ZNF761: variants seen among roughly 807,000 people sequenced by gnomAD.
The protein encoded by ZNF761 is zinc finger protein 761.
In ZNF761, 43 loss-of-function variants were observed where a neutral mutation model predicts 59.9. That is an observed-to-expected ratio of 0.72 (90% CI 0.56 to 0.92). ZNF761 has a LOEUF of 0.92. Ranked by LOEUF, ZNF761 falls within the 40% of genes least tolerant of loss-of-function variation. The probability of loss-of-function intolerance (pLI) is 0.00; values close to 1 mark genes in which losing one functional copy is unlikely to be tolerated. For missense variants in ZNF761, 850 were observed against 906.1 expected (o/e 0.94, Z 0.79); for synonymous variants, 294 against 304.8 (o/e 0.96, Z 0.37).
intron 4 of ZNF761, among the ~76,000 whole-genome samples, chr19:53,451,808 C>T (rs1215590529): frequency 1.3e-5 from 2 of 149,232 alleles, no homozygotes; most frequent in African/African-American, 5.0e-5. Context: ...AGGATGGTCT[C>T]GATCTCCTGA....
intron 1 of ZNF761, chr19:53,444,136 C>G (rs11084251): frequency 0.047 from 7,188 of 152,334 alleles, 229 homozygotes; most frequent in African/African-American, 0.072. Flanking sequence ...GCTGAGACAG[C>G]CTGAGATATG....
intron 1 of ZNF761, among the ~76,000 whole-genome samples, chr19:53,445,661 TG>T (rs574071111): frequency 5.3e-4 from 80 of 151,976 alleles, no homozygotes; most frequent in Non-Finnish European, 8.1e-4. Context: ...GAATTTTAAA[TG>T]GGATGCAGTA....
chr19:53,436,927 G>A (rs999950372), intron 1 of ZNF761, among the ~76,000 whole-genome samples: 5 of 152,106 alleles, frequency 3.3e-5, no homozygotes, highest in Non-Finnish European at 5.9e-5. Flanking sequence ...TGAATTCTTG[G>A]GGCTGAGTGG....
intron 1 of ZNF761, among the ~76,000 whole-genome samples, chr19:53,441,342 A>T (rs2086097258): frequency 6.6e-6 from 1 of 152,172 alleles, no homozygotes; most frequent in African/African-American, 2.4e-5. Context: ...TTTTGTTTTC[A>T]TGTGTAATAG....
At chr19:53,453,959 C>T (rs2086242336) in intron 4 of ZNF761, among the ~76,000 whole-genome samples, 1 of 151,872 alleles carries the variant, frequency 6.6e-6, no homozygotes, top group African/African-American at 2.4e-5. Flanking sequence ...GACAGTTATT[C>T]AGAAAAACAT....
rs761761504 is a variant in ZNF761 at position 53,456,604 on chromosome 19, T to A, written c.2097T>A (p.Phe699Leu). The A allele has an allele frequency of 6.2e-7, 1 of 1,611,944 alleles. No homozygotes were observed. The highest frequency in any genetic ancestry group is 8.5e-7 in the Non-Finnish European group (1 of 1,179,442). Reference protein sequence around the residue: ...PYKCNECGKNFSQKSSLICHH... With the variant: ...PYKCNECGKNLSQKSSLICHH... ...AGTGTAATGAGTGTGGCAAGAACTT[T>A]AGTCAGAAGTCATCCCTTATATGCC... The change falls in exon 5 of 5, where the codon TTT (phenylalanine) becomes TTA (leucine). Residue 699 changes from phenylalanine to leucine, a missense_variant. Transcript: ENST00000684525.
intron 4 of ZNF761, chr19:53,450,006 G>T: frequency 2.1e-6 from 1 of 466,486 alleles, no homozygotes. Flanking sequence ...TTATTTTTAA[G>T]ATTTTTGCAT....
chr19:53,432,465 C>G (rs1480664460), intron 1 of ZNF761, among the ~76,000 whole-genome samples: 1 of 152,146 alleles, frequency 6.6e-6, no homozygotes, highest in Non-Finnish European at 1.5e-5. Context: ...GCCCCTTCAC[C>G]TCCCTCCTTG....
intron 4 of ZNF761, among the ~76,000 whole-genome samples, chr19:53,453,017 T>G (rs1405964557): frequency 6.6e-6 from 1 of 152,252 alleles, no homozygotes; most frequent in East Asian, 1.9e-4. Context: ...GTGTTTTATA[T>G]TTTGTGCATA....
Position 53,455,786 on chromosome 19 carries a change from A to G in ZNF761, c.1279A>G (p.Ile427Val). 1 of 1,613,808 alleles carries G rather than the reference A, an allele frequency of 6.2e-7. No homozygotes were observed. Among genetic ancestry groups the G allele is most frequent in the East Asian group, 2.2e-5 (1 of 44,840 alleles). ...TTACAGTTTCAGATCAAATTTTGAA[A>G]TACATCGGAAAATTCATACTGAAGA... ...KAYSFRSNFE[I>V]HRKIHTEDNA... Residue 427 changes from isoleucine to valine, a missense_variant, in exon 5 of 5, where the codon ATA becomes GTA. Physicochemically the swap from Ile to Val is conservative, Grantham distance 29. Coordinates refer to ENST00000684525, the MANE Select transcript of ZNF761 (RefSeq NM_001289951.2).
chr19:53,447,262 G>A lies in ZNF761; in HGVS notation c.-7G>A, dbSNP rs370191711. 1.6e-5 allele frequency: 26 copies of A among 1,613,008 alleles called. No homozygotes were observed. The highest frequency in any genetic ancestry group is 2.0e-5 in the Non-Finnish European group (24 of 1,179,598). On this transcript the variant is annotated 5_prime_UTR_variant, in exon 3 of 5. Coordinates refer to ENST00000684525, the MANE Select transcript of ZNF761 (RefSeq NM_001289951.2). Reference sequence around the variant, plus strand: ...GGAAGAGGAAGAGGAGAGCAAAGGAGTCAGGGATGGCTTTTTCTCAGGTGA... The same window carrying A: ...GGAAGAGGAAGAGGAGAGCAAAGGAATCAGGGATGGCTTTTTCTCAGGTGA...
Position 53,454,884 on chromosome 19 carries a change from A to G in ZNF761, c.377A>G (p.Tyr126Cys). 6.2e-7 allele frequency: 1 copy of G among 1,614,214 alleles called. No individual in the cohort carries two copies. Among genetic ancestry groups the G allele is most frequent in the Non-Finnish European group, 8.5e-7 (1 of 1,180,024 alleles). The part of the protein sequence containing the change: ...IKKLTGITER[Y>C]DQSHARNKPI... The stretch of plus-strand genomic sequence containing the variant: ...AAGTTGACAGGTATTACAGAACGAT[A>G]TGATCAAAGTCATGCTAGAAACAAG... Residue 126 changes from tyrosine to cysteine, a missense_variant, in exon 5 of 5, where the codon TAT becomes TGT. Physicochemically the swap from Tyr to Cys is radical, Grantham distance 194. Coordinates refer to ENST00000684525, the MANE Select transcript of ZNF761 (RefSeq NM_001289951.2).
chr19:53,448,049 T>G (rs561449342), intron 3 of ZNF761, among the ~76,000 whole-genome samples: 2 of 152,354 alleles, frequency 1.3e-5, no homozygotes, highest in Non-Finnish European at 2.9e-5. Flanking sequence ...TCACCCAGGC[T>G]GAAGTGCAGT....
At chr19:53,447,134 T>A in intron 2 of ZNF761, 62 bp from the exon 3 acceptor site, 1 of 1,146,868 alleles carries the variant, frequency 8.7e-7, no homozygotes, top group East Asian at 2.5e-5. Flanking sequence ...GTATGTGTGG[T>A]TGTGTTCCAC....
At chr19:53,444,151 C>T (rs1226806335) in intron 1 of ZNF761, 2 of 152,338 alleles carry the variant, frequency 1.3e-5, no homozygotes, top group East Asian at 3.9e-4. Context: ...GATATGGCCT[C>T]ATGGGAAGGG....
At chr19:53,441,360 T>G (rs1197576271) in intron 1 of ZNF761, among the ~76,000 whole-genome samples, 2 of 149,148 alleles carry the variant, frequency 1.3e-5, no homozygotes, top group Admixed American at 1.4e-4. Flanking sequence ...TAGATTTACT[T>G]TATTTTATTT....
At chr19:53,445,702 TAAAA>T (rs1215866558) in intron 1 of ZNF761, among the ~76,000 whole-genome samples, 1 of 151,588 alleles carries the variant, frequency 6.6e-6, no homozygotes, top group African/African-American at 2.4e-5. Context: ...AAAAATTTTT[TAAAA>T]AAACGTGAAA....
chr19:53,449,246 C>T (rs2086193006), intron 3 of ZNF761, among the ~76,000 whole-genome samples: 1 of 152,060 alleles, frequency 6.6e-6, no homozygotes, highest in Non-Finnish European at 1.5e-5. Context: ...AGGAAAATCG[C>T]TTGATCCTAG....
intron 3 of ZNF761, 116 bp downstream of exon 3, chr19:53,447,399 T>C (rs1444926305): frequency 3.6e-6 from 5 of 1,392,404 alleles, no homozygotes; most frequent in Non-Finnish European, 5.1e-6. Flanking sequence ...TTGCTCACAT[T>C]CACCCATGCC....
Sources: gnomAD v4.1 joint callset for allele counts (sites outside exome capture counted in the v4.1 genomes callset) on GRCh38, gnomAD v4.1.1 for gene constraint, MANE v1.5 for transcripts, NCBI Gene and HGNC (gene_info 2026-07-23, HGNC 2026-07-21) for gene names.